ADAM22: variants seen among roughly 807,000 people sequenced by gnomAD.
ADAM22 encodes ADAM metallopeptidase domain 22.
A neutral mutation model predicts 144.6 loss-of-function variants in ADAM22; 65 were observed. The observed-to-expected ratio is 0.45, with a 90% CI of 0.37 to 0.55. The LOEUF (loss-of-function observed/expected upper bound fraction) is 0.55, where lower values mean the gene tolerates loss of function less well. ADAM22 is among the 20% of genes least tolerant of loss of function. ADAM22 has a pLI of 0.00. For missense variants in ADAM22, 974 were observed against 1,184.9 expected, an observed-to-expected ratio of 0.82 and a Z score of 2.61; for synonymous variants, 391 against 412.6, an observed-to-expected ratio of 0.95 and a Z score of 0.63.
chr7:88,083,830 T>C (rs1817668825), intron 4 of ADAM22, among the ~76,000 whole-genome samples: 1 of 152,100 alleles, frequency 6.6e-6, no homozygotes, highest in Admixed American at 6.6e-5. Context: ...GGTGGATTAA[T>C]TTATATTACT....
intron 3 of ADAM22, among the ~76,000 whole-genome samples, chr7:88,024,597 A>C (rs976281073): frequency 7.2e-5 from 11 of 152,104 alleles, no homozygotes; most frequent in African/African-American, 2.7e-4. Flanking sequence ...CATGTGCACA[A>C]CGTGCAGGCT....
intron 21 of ADAM22, 39 bp downstream of exon 21, chr7:88,153,365 C>A: frequency 6.5e-7 from 1 of 1,529,810 alleles, no homozygotes; most frequent in South Asian, 1.2e-5. Flanking sequence ...ATCCCTTGGT[C>A]AATTACAAGT....
intron 2 of ADAM22, among the ~76,000 whole-genome samples, chr7:87,975,389 G>A (rs893450623): frequency 3.3e-5 from 5 of 152,118 alleles, no homozygotes; most frequent in African/African-American, 1.2e-4. Flanking sequence ...AATCTAAATA[G>A]CTCCCAGCAC....
chr7:87,952,573 T>C (rs1329951739), intron 2 of ADAM22, among the ~76,000 whole-genome samples: 3 of 152,072 alleles, frequency 2.0e-5, no homozygotes, highest in African/African-American at 4.8e-5. Flanking sequence ...TTTGCATCAA[T>C]GTTCATCAAG....
intron 5 of ADAM22, among the ~76,000 whole-genome samples, chr7:88,113,775 C>T (rs1826959036): frequency 2.4e-5 from 3 of 126,874 alleles, no homozygotes; most frequent in Admixed American, 1.7e-4. Flanking sequence ...ACCACAAGGA[C>T]AGAGAATTGG....
intron 3 of ADAM22, among the ~76,000 whole-genome samples, chr7:88,048,626 A>C (rs575404028): frequency 6.6e-6 from 1 of 152,228 alleles, no homozygotes; most frequent in African/African-American, 2.4e-5. Flanking sequence ...TTGCTTCCTA[A>C]TATACCATTT....
intron 4 of ADAM22, among the ~76,000 whole-genome samples, chr7:88,089,270 A>C (rs540162413): frequency 3.3e-5 from 5 of 152,250 alleles, no homozygotes; most frequent in Non-Finnish European, 7.4e-5. Flanking sequence ...ATATATATAA[A>C]AAAAGAAAAA....
At chr7:88,091,655 G>A (rs1379190099) in intron 4 of ADAM22, among the ~76,000 whole-genome samples, 1 of 152,150 alleles carries the variant, frequency 6.6e-6, no homozygotes, top group Non-Finnish European at 1.5e-5. Context: ...TGAAGGCACA[G>A]AAAGTTTAAC....
At position 88,179,004 on chromosome 7, in the gene ADAM22, C is replaced by T. The variant is rs753205943; in HGVS notation, c.2370C>T (p.Pro790=). 1.2e-5 allele frequency: 19 copies of T among 1,613,292 alleles called. No individual in the cohort carries two copies. Among genetic ancestry groups the T allele is most frequent in the Non-Finnish European group, 1.1e-5 (13 of 1,179,430 alleles). ...ACTCTTTTTATAGCGACATTCCTCCCGGAGTCAGCACAAACTCAGCATCTA... is the reference window on the plus strand; with the variant it reads ...ACTCTTTTTATAGCGACATTCCTCCTGGAGTCAGCACAAACTCAGCATCTA... ...DGDSFYSDIP[P]GVSTNSASSS... The change falls in exon 27 of 32, where the codon CCC becomes CCT. Residue 790 remains proline (P), a synonymous_variant. Coordinates refer to ENST00000413139, the MANE Select transcript of ADAM22 (RefSeq NM_001324418.2).
At chr7:87,960,445 A>G (rs1178631712) in intron 2 of ADAM22, among the ~76,000 whole-genome samples, 1 of 151,664 alleles carries the variant, frequency 6.6e-6, no homozygotes, top group Non-Finnish European at 1.5e-5. Flanking sequence ...CCATAAGGCC[A>G]TTGGGTCACT....
chr7:87,987,831 G>T (rs1476167329), intron 3 of ADAM22, among the ~76,000 whole-genome samples: 1 of 152,116 alleles, frequency 6.6e-6, no homozygotes, highest in Non-Finnish European at 1.5e-5. Context: ...ATATCAATCT[G>T]TTACTTCACA....
At chr7:88,069,113 C>T (rs995133767) in intron 3 of ADAM22, among the ~76,000 whole-genome samples, 1 of 151,762 alleles carries the variant, frequency 6.6e-6, no homozygotes, top group Non-Finnish European at 1.5e-5. Context: ...CTCTCTGGCT[C>T]GCTCTCACCC....
rs753909465 is a variant in ADAM22 at position 88,163,117 on chromosome 7, G to A, written c.2013G>A (p.Val671=). 4 of 1,611,848 alleles carry A rather than the reference G, an allele frequency of 2.5e-6. No individual in the cohort carries two copies. The highest frequency in any genetic ancestry group is 3.4e-6 in the Non-Finnish European group (4 of 1,178,952). The change falls in exon 23 of 32, where the codon GTG becomes GTA. Residue 671 remains valine, a synonymous_variant. Transcript: ENST00000413139. ...MMCLEHRCLP[V]ASFNFSTCLS... is the part of the protein sequence containing the mutation. ...GCTTAGAACACAGGTGTCTTCCTGT[G>A]GCTTCTTTCAACTTTAGTACTTGCT...
At chr7:88,095,868 A>T (rs1331197404) in intron 4 of ADAM22, among the ~76,000 whole-genome samples, 1 of 150,636 alleles carries the variant, frequency 6.6e-6, no homozygotes, top group East Asian at 2.0e-4. Flanking sequence ...TCTTGCCTTG[A>T]CTCTTTTACT....
intron 3 of ADAM22, among the ~76,000 whole-genome samples, chr7:88,025,033 G>A (rs1448616748): frequency 6.6e-6 from 1 of 152,102 alleles, no homozygotes; most frequent in East Asian, 1.9e-4. Context: ...TGTCTTTATA[G>A]CAGCATGATT....
chr7:88,149,059 T>G lies in ADAM22; in HGVS notation c.1566+2T>G. ...ACGTGCTCAGGAAATTCAAGCCAGG[T>G]AATTTACAAAATAACTGCTCTAAAA... On this transcript the variant is annotated splice_donor_variant, in intron 18 of 31. Coordinates refer to ENST00000413139, the MANE Select transcript of ADAM22 (RefSeq NM_001324418.2). LOFTEE classifies it high-confidence loss of function. 1 of 1,610,476 alleles carries G rather than the reference T, an allele frequency of 6.2e-7. No homozygotes were observed. The highest frequency in any genetic ancestry group is 8.5e-7 in the Non-Finnish European group (1 of 1,177,418).
intron 26 of ADAM22, among the ~76,000 whole-genome samples, chr7:88,173,774 A>G (rs555172650): frequency 2.0e-4 from 30 of 152,206 alleles, no homozygotes; most frequent in African/African-American, 7.2e-4. Flanking sequence ...GTGGTATTGG[A>G]AAATCAAACT....
rs1158223883 is a variant in ADAM22 at position 87,982,100 on chromosome 7, CACACACACAT to C, written c.323+3689_323+3698del. 3.9e-3 allele frequency among the ~76,000 whole-genome samples: 580 copies of C among 150,210 alleles called. 5 individuals carry two copies. Among genetic ancestry groups the C allele is most frequent in the African/African-American group, 0.013 (525 of 40,608 alleles). ...ACACACACACACACACACACACACA[CACACACACAT>C]GCATACACAAGTTTTCTAAGCCTCT... is the stretch of plus-strand genomic sequence containing the variant. On this transcript the variant is annotated intron_variant, in intron 3 of 31. Transcript: ENST00000413139.
At chr7:88,097,640 A>G (rs1821760770) in intron 4 of ADAM22, among the ~76,000 whole-genome samples, 1 of 151,294 alleles carries the variant, frequency 6.6e-6, no homozygotes, top group Non-Finnish European at 1.5e-5. Flanking sequence ...AAAAAAGAAA[A>G]CAACAACAAA....
Sources: allele counts gnomAD v4.1 joint callset (sites outside exome capture counted in the v4.1 genomes callset), GRCh38; gene constraint gnomAD v4.1.1; transcripts MANE v1.5; gene names NCBI Gene and HGNC (gene_info 2026-07-23, HGNC 2026-07-21).